Variants in BDP1 observed in about 807,000 individuals in gnomAD.
The protein encoded by BDP1 is BDP1 general transcription factor IIIB subunit.
BDP1 carries 169 observed loss-of-function variants against 266.6 expected under a neutral mutation model. That is an observed-to-expected ratio of 0.63 (90% confidence interval 0.56 to 0.72). The LOEUF (loss-of-function observed/expected upper bound fraction) is 0.72, where lower values mean the gene tolerates loss of function less well. BDP1 is among the 30% of genes least tolerant of loss of function. The pLI is 0.00. For synonymous variants in BDP1, 1,090 were observed against 1,022.4 expected (o/e 1.07, Z -1.26); for missense variants, 3,015 against 3,053.8 (o/e 0.99, Z 0.30).
At chr5:71,551,924 C>T (rs1352924493) in intron 34 of BDP1, among the ~76,000 whole-genome samples, 2 of 150,210 alleles carry the variant, frequency 1.3e-5, no homozygotes, top group Non-Finnish European at 3.0e-5. Context: ...ACCTCCCTCC[C>T]GGACGGGGCG....
chr5:71,562,966 A>G (rs1743784062), intron 38 of BDP1: 1 of 1,140,286 alleles, frequency 8.8e-7, no homozygotes, highest in Non-Finnish European at 1.1e-6. Flanking sequence ...GTGACTTAAG[A>G]TCTTGACAAA....
At chr5:71,459,768 A>G (rs1346311859) in intron 2 of BDP1, among the ~76,000 whole-genome samples, 1 of 152,136 alleles carries the variant, frequency 6.6e-6, no homozygotes, top group African/African-American at 2.4e-5. Context: ...TAATTAATCT[A>G]TTTCCTCATC....
At chr5:71,465,070 G>C (rs865881541) in intron 4 of BDP1, among the ~76,000 whole-genome samples, 12 of 151,900 alleles carry the variant, frequency 7.9e-5, no homozygotes, top group Non-Finnish European at 1.5e-4. Flanking sequence ...GTTTCACTAT[G>C]TCGCCCAGGC....
At chr5:71,571,763 A>T (rs1235287573), downstream of BDP1, among the ~76,000 whole-genome samples, 1 of 152,144 alleles carries the variant, frequency 6.6e-6, no homozygotes, top group East Asian at 1.9e-4. Context: ...CCTCCCGAGT[A>T]GCTGGAACTA....
rs781286784 is a variant in BDP1, at chr5:71,509,492, A to G, written c.2400A>G (p.Lys800=). ...LSVQENNKAN[K]LNQVPILRTR... ...TTCAAGAGAATAATAAGGCAAATAAACTTAACCAAGTCCCAATTCTAAGGA... is the reference window on the plus strand; with the variant it reads ...TTCAAGAGAATAATAAGGCAAATAAGCTTAACCAAGTCCCAATTCTAAGGA... The change falls in exon 17 of 39, where the codon AAA becomes AAG. Residue 800 remains lysine, a synonymous_variant. Coordinates refer to ENST00000358731, the MANE Select transcript of BDP1 (RefSeq NM_018429.3). 1 of 1,588,838 alleles carries G rather than the reference A, an allele frequency of 6.3e-7. No individual in the cohort carries two copies. The highest frequency in any genetic ancestry group is 1.9e-5 in the Admixed American group (1 of 52,190).
chr5:71,484,093 A>G (rs769403915), intron 8 of BDP1, among the ~76,000 whole-genome samples, 197 bp downstream of exon 8: 1 of 152,212 alleles, frequency 6.6e-6, no homozygotes, highest in Non-Finnish European at 1.5e-5. Flanking sequence ...ATTATCCAGA[A>G]CATCTAGGTG....
At chr5:71,553,062 A>C in intron 34 of BDP1, 54 bp from the exon 35 acceptor site, 1 of 1,359,590 alleles carries the variant, frequency 7.4e-7, no homozygotes, top group Non-Finnish European at 1.0e-6. Context: ...TAAAAAAAAA[A>C]GTGTTAAATA....
Position 71,548,728 on chromosome 5 carries a change from A to G in BDP1, c.6791A>G (p.Asn2264Ser), listed in dbSNP as rs374413842. 25 of 1,603,946 alleles carry G rather than the reference A, an allele frequency of 1.6e-5. No individual in the cohort carries two copies. The highest frequency in any genetic ancestry group is 2.7e-5 in the African/African-American group (2 of 74,794). Residue 2264 changes from asparagine (N) to serine (S), a missense_variant, in exon 33 of 39, where the codon AAT becomes AGT. By Grantham distance (46) the Asn-to-Ser change is conservative (BLOSUM62 1). Transcript: ENST00000358731. The part of the protein sequence containing the change: ...IPEVQQENII[N>S]PQDLTVNLVA... ...GAAGTCCAACAAGAGAATATAATCA[A>G]TCCTCAAGACCTAACAGGTATGATA... is the stretch of plus-strand genomic sequence containing the variant.
chr5:71,521,608 C>T (rs1436709850), intron 22 of BDP1, among the ~76,000 whole-genome samples: 3 of 152,112 alleles, frequency 2.0e-5, no homozygotes, highest in Non-Finnish European at 4.4e-5. Flanking sequence ...AGTTTTTAAG[C>T]TTCCTAATTC....
chr5:71,513,402 C>T lies in BDP1; in HGVS notation c.4465C>T (p.Gln1489Ter). 1 of 1,541,270 alleles carries T rather than the reference C, an allele frequency of 6.5e-7. No homozygotes were observed. The highest frequency in any genetic ancestry group is 2.3e-5 in the East Asian group (1 of 43,890). The change falls in exon 19 of 39, where the codon CAA becomes TAA. Residue 1489 changes from glutamine to a stop codon, truncating the protein, a stop_gained. Transcript: ENST00000358731. LOFTEE classifies it high-confidence loss of function. ...TGAACAAACTGATACTCTCCCTTCT[C>T]AACATGTGAGTGTATTTGAGATGGA... ...NNEQTDTLPS[Q>*]HDEASLMISR...
intron 34 of BDP1, among the ~76,000 whole-genome samples, chr5:71,551,299 G>GGAC (rs902782854): frequency 2.0e-4 from 30 of 152,100 alleles, no homozygotes; most frequent in African/African-American, 6.3e-4. Flanking sequence ...TTGAGATTAG[G>GGAC]GACTGGTGAT....
intron 11 of BDP1, 143 bp downstream of exon 11, chr5:71,491,274 G>T: frequency 1.4e-6 from 1 of 721,866 alleles, no homozygotes; most frequent in Non-Finnish European, 2.2e-6. Flanking sequence ...TTGAAGCTCT[G>T]TTGTTAGGTG....
chr5:71,575,516 G>A, the BDP1 span, among the ~76,000 whole-genome samples: 1 of 152,308 alleles, frequency 6.6e-6, no homozygotes, highest in South Asian at 2.1e-4. Context: ...CCAGAAGTTG[G>A]TGACTGCTGC....
chr5:71,548,108 C>T (rs1290791631), intron 32 of BDP1, among the ~76,000 whole-genome samples: 1 of 151,810 alleles, frequency 6.6e-6, no homozygotes, highest in Non-Finnish European at 1.5e-5. Flanking sequence ...CATGGCAAAA[C>T]CCCATCTCTA....
chr5:71,536,371 T>C lies in BDP1; in HGVS notation c.5893-2671T>C, dbSNP rs187027943. On this transcript the variant is annotated intron_variant, in intron 26 of 38. Coordinates refer to ENST00000358731, the MANE Select transcript of BDP1 (RefSeq NM_018429.3). Reference sequence around the variant, plus strand: ...TAAACTGTTACATACTTCCACAATTTGCAGTTAAATAGCATATATACTGCA... The same window carrying C: ...TAAACTGTTACATACTTCCACAATTCGCAGTTAAATAGCATATATACTGCA... Among the ~76,000 whole-genome samples the C allele has an allele frequency of 2.9e-3, 445 of 152,334 alleles. 3 individuals are homozygous for C. Among genetic ancestry groups the C allele is most frequent in the African/African-American group, 0.01 (418 of 41,574 alleles).
chr5:71,476,860 C>A (rs1455772135), intron 7 of BDP1, among the ~76,000 whole-genome samples: 1 of 152,304 alleles, frequency 6.6e-6, no homozygotes, highest in Non-Finnish European at 1.5e-5. Flanking sequence ...CCCGCCACCA[C>A]GCCTGGCTAA....
At chr5:71,497,473 T>G (rs1318769421) in intron 13 of BDP1, 47 bp downstream of exon 13, 1 of 1,475,344 alleles carries the variant, frequency 6.8e-7, no homozygotes, top group Non-Finnish European at 9.2e-7. Context: ...AAAAATTTTC[T>G]TTAGATAGTT....
Position 71,456,011 on chromosome 5 carries a change from C to T in BDP1, c.134C>T (p.Ser45Phe). The change falls in exon 1 of 39, where the codon TCC (serine) becomes TTC (phenylalanine). Residue 45 changes from serine (S) to phenylalanine (F), a missense_variant. By Grantham distance (155) the Ser-to-Phe change is radical. Coordinates refer to ENST00000358731, the MANE Select transcript of BDP1 (RefSeq NM_018429.3). ...RPPDPATDSASKPAEPTDVPT... is the reference protein window; with the variant it reads ...RPPDPATDSAFKPAEPTDVPT... ...CCGGATCCTGCCACGGACTCTGCTTCCAAGCCCGCGGAGCCCACAGATGTG... is the reference window on the plus strand; with the variant it reads ...CCGGATCCTGCCACGGACTCTGCTTTCAAGCCCGCGGAGCCCACAGATGTG... 1 of 1,613,658 alleles carries T rather than the reference C, an allele frequency of 6.2e-7. No individual in the cohort carries two copies. Among genetic ancestry groups the T allele is most frequent in the Non-Finnish European group, 8.5e-7 (1 of 1,180,032 alleles).
chr5:71,480,931 C>T (rs1162576886), intron 7 of BDP1, among the ~76,000 whole-genome samples: 4 of 152,078 alleles, frequency 2.6e-5, no homozygotes, highest in Non-Finnish European at 5.9e-5. Flanking sequence ...AGTCCCAACA[C>T]TTTGGGAGGC....
Sources: gnomAD v4.1 joint callset for allele counts (sites outside exome capture counted in the v4.1 genomes callset) on GRCh38, gnomAD v4.1.1 for gene constraint, MANE v1.5 for transcripts, NCBI Gene and HGNC (gene_info 2026-07-23, HGNC 2026-07-21) for gene names.